SEMA3A: variants seen among roughly 807,000 people sequenced by gnomAD.
The protein encoded by SEMA3A is semaphorin 3A, also known as semaphorin-3A.
Under a neutral mutation model 97.9 loss-of-function variants are expected in SEMA3A, and 29 were observed. That is an observed-to-expected ratio of 0.30 (90% CI 0.22 to 0.40). The LOEUF is 0.40. Among genes scored for constraint, SEMA3A ranks in the 10% least tolerant of loss-of-function variants. SEMA3A has a pLI of 1.00. For missense variants in SEMA3A, 763 were observed against 951.3 expected (o/e 0.80, Z 2.60); for synonymous variants, 321 against 323.7 (o/e 0.99, Z 0.09).
intron 1 of SEMA3A, among the ~76,000 whole-genome samples, chr7:84,171,001 T>A (rs1457475510): frequency 6.6e-6 from 1 of 151,988 alleles, no homozygotes; most frequent in African/African-American, 2.4e-5. Context: ...AACAGCTCAA[T>A]TTTGCTCATT....
At chr7:84,306,105 T>C (rs1023698349) in intron 3 of SEMA3A, among the ~76,000 whole-genome samples, 1 of 151,926 alleles carries the variant, frequency 6.6e-6, no homozygotes, top group Admixed American at 6.6e-5. Context: ...CAATTCAATA[T>C]GAACTCTAAC....
chr7:84,406,228 T>A lies in SEMA3A; in HGVS notation c.-245-34328A>T, dbSNP rs188568862. ...ATGACAAAGGGGATATCACCACCGATCCCACAGAAATACAAACTACCATCA... is the reference window on the plus strand; with the variant it reads ...ATGACAAAGGGGATATCACCACCGAACCCACAGAAATACAAACTACCATCA... On this transcript the variant is annotated intron_variant, in intron 1 of 3. Transcript: ENST00000424555. Among the ~76,000 whole-genome samples, 1,242 of 152,084 alleles carry A rather than the reference T, an allele frequency of 8.2e-3. 5 individuals are homozygous for A. Among genetic ancestry groups the A allele is most frequent in the Non-Finnish European group, 0.013 (859 of 67,980 alleles).
At chr7:84,259,651 TG>T (rs1799798958) in intron 3 of SEMA3A, among the ~76,000 whole-genome samples, 2 of 151,352 alleles carry the variant, frequency 1.3e-5, no homozygotes, top group African/African-American at 4.9e-5. Flanking sequence ...GGGAAAAAAA[TG>T]GGAATCTTCC....
At chr7:84,138,477 T>A (rs1190631667) in intron 1 of SEMA3A, among the ~76,000 whole-genome samples, 1 of 152,158 alleles carries the variant, frequency 6.6e-6, no homozygotes, top group Non-Finnish European at 1.5e-5. Flanking sequence ...AAAAATATGT[T>A]CCAGGGTGAA....
chr7:84,060,063 TTTTG>T (rs1793152272), intron 5 of SEMA3A, among the ~76,000 whole-genome samples: 1 of 152,128 alleles, frequency 6.6e-6, no homozygotes, highest in African/African-American at 2.4e-5. Context: ...ACATCAAATA[TTTTG>T]TTAGATTTTC....
At position 84,004,664 on chromosome 7, in the gene SEMA3A, C is replaced by T. The variant is rs182372165; in HGVS notation, c.1360+675G>A. Among the ~76,000 whole-genome samples, 10 of 152,228 alleles carry T rather than the reference C, an allele frequency of 6.6e-5. No homozygotes were observed. The East Asian group carries it at 1.9e-3, about 29-fold the overall frequency. Reference sequence around the variant, plus strand: ...GCAATTATAAACACTGATTGCTTACCTAATCATTAGCTTTACCTGATTAAA... The same window carrying T: ...GCAATTATAAACACTGATTGCTTACTTAATCATTAGCTTTACCTGATTAAA... On this transcript the variant is annotated intron_variant, in intron 11 of 16. Coordinates refer to ENST00000265362, the MANE Select transcript of SEMA3A (RefSeq NM_006080.3).
chr7:84,452,888 C>T (rs376344157), intron 1 of SEMA3A, among the ~76,000 whole-genome samples: 4 of 151,502 alleles, frequency 2.6e-5, no homozygotes, highest in African/African-American at 4.9e-5. Flanking sequence ...CTCTGTGTGA[C>T]CATTTGTGAA....
chr7:84,318,169 T>C (rs1801556975), intron 2 of SEMA3A, among the ~76,000 whole-genome samples: 1 of 152,080 alleles, frequency 6.6e-6, no homozygotes, highest in African/African-American at 2.4e-5. Flanking sequence ...AGTACCATGA[T>C]TTCTTTAGCT....
At chr7:84,254,476 C>T (rs114156479) in intron 3 of SEMA3A, among the ~76,000 whole-genome samples, 30 of 152,186 alleles carry the variant, frequency 2.0e-4, no homozygotes, top group African/African-American at 6.7e-4. Context: ...TAAAAGTATA[C>T]GTGTTTGTAC....
intron 5 of SEMA3A, among the ~76,000 whole-genome samples, chr7:84,052,907 G>A (rs2115633188): frequency 6.6e-6 from 1 of 151,712 alleles, no homozygotes; most frequent in African/African-American, 2.4e-5. Flanking sequence ...ATTCTGGTAT[G>A]TTGTGTCTTT....
At chr7:84,408,295 C>T (rs987061299) in intron 1 of SEMA3A, among the ~76,000 whole-genome samples, 61 of 152,152 alleles carry the variant, frequency 4.0e-4, no homozygotes, top group Non-Finnish European at 7.1e-4. Context: ...TGAAAAAATG[C>T]TCACCATCAC....
intron 3 of SEMA3A, among the ~76,000 whole-genome samples, chr7:84,205,050 T>C (rs1482668637): frequency 6.6e-6 from 1 of 152,216 alleles, no homozygotes; most frequent in Non-Finnish European, 1.5e-5. Context: ...TGAGTTTTAA[T>C]AACCTAAGTC....
chr7:84,370,777 G>C (rs1802953917), intron 2 of SEMA3A, among the ~76,000 whole-genome samples: 1 of 151,488 alleles, frequency 6.6e-6, no homozygotes, highest in Non-Finnish European at 1.5e-5. Context: ...TTTCTTTAGG[G>C]ACAAAAATAA....
At chr7:84,209,015 T>C (rs1308445636) in intron 3 of SEMA3A, among the ~76,000 whole-genome samples, 1 of 152,214 alleles carries the variant, frequency 6.6e-6, no homozygotes. Context: ...TACACCTTAA[T>C]TCAATTTTAA....
chr7:84,254,339 C>T (rs1035363511), intron 3 of SEMA3A, among the ~76,000 whole-genome samples: 1 of 151,982 alleles, frequency 6.6e-6, no homozygotes, highest in Non-Finnish European at 1.5e-5. Flanking sequence ...ATGGGAAAAA[C>T]AAAACAAAAC....
chr7:84,472,065 T>C (rs1026068760), intron 1 of SEMA3A, among the ~76,000 whole-genome samples: 2 of 152,010 alleles, frequency 1.3e-5, no homozygotes, highest in Admixed American at 6.6e-5. Flanking sequence ...TCTCTGAGGA[T>C]TACTTAACCT....
chr7:84,107,034 A>G (rs1285224332), intron 4 of SEMA3A, among the ~76,000 whole-genome samples: 1 of 152,168 alleles, frequency 6.6e-6, no homozygotes, highest in East Asian at 1.9e-4. Context: ...AATTTAGGAG[A>G]AAAATAAGTC....
At chr7:84,480,875 AGGG>A (rs1806425956) in intron 1 of SEMA3A, among the ~76,000 whole-genome samples, 1 of 152,162 alleles carries the variant, frequency 6.6e-6, no homozygotes, top group Non-Finnish European at 1.5e-5. Context: ...AGTGGGAAAG[AGGG>A]TAGCATACCA....
chr7:84,091,208 G>GAAAGAAAGA (rs1562774518), intron 4 of SEMA3A, among the ~76,000 whole-genome samples: 11 of 69,308 alleles, frequency 1.6e-4, no homozygotes, highest in African/African-American at 5.4e-4. Context: ...AAGAAAGAAA[G>GAAAGAAAGA]AAAGAAAAGA....
Sources: allele counts gnomAD v4.1 joint callset (sites outside exome capture counted in the v4.1 genomes callset), GRCh38; gene constraint gnomAD v4.1.1; transcripts MANE v1.5; gene names NCBI Gene and HGNC (gene_info 2026-07-23, HGNC 2026-07-21).